Variants in PAK3 observed in about 807,000 individuals in gnomAD.
PAK3 encodes p21 (RAC1) activated kinase 3.
In PAK3, 4 loss-of-function variants were observed where a neutral mutation model predicts 41.0. The ratio of observed to expected loss-of-function variants is 0.10; its 90% CI spans 0.05 to 0.22. PAK3 has a LOEUF of 0.22. PAK3 is among the 10% of genes least tolerant of loss of function. The pLI is 1.00. For synonymous variants in PAK3, 146 were observed against 139.6 expected (o/e 1.05, Z -0.32); for missense variants, 205 against 409.9 (o/e 0.50, Z 4.32).
rs150089507 is a variant in PAK3, at chrX:111,136,397, G to C, written c.176-5699G>C. 9.8e-3 allele frequency among the ~76,000 whole-genome samples: 1,098 copies of C among 111,531 alleles called. 13 individuals carry two copies. Among genetic ancestry groups the C allele is most frequent in the African/African-American group, 0.034 (1,051 of 30,722 alleles). ...AGCTTTCATGGTTGGATTCTATTAG[G>C]GTAGGGTTTCATAGGACAATTATAA... On this transcript the variant is annotated intron_variant, in intron 5 of 17. Transcript: ENST00000372007.
In PAK3 at chrX:110,996,177, G is replaced by A. The variant is rs192765992; in HGVS notation, c.-28+51549G>A. On this transcript the variant is annotated intron_variant, in intron 1 of 14. Transcript: ENST00000425146. ...TAAATGCTCCTCAAGTGGTTTTAAT[G>A]TGTAGCCAAGGTGGACAGCCTTTGT... Among the ~76,000 whole-genome samples the A allele has an allele frequency of 5.8e-3, 654 of 112,383 alleles. 2 individuals are homozygous for A. Among genetic ancestry groups the A allele is most frequent in the Non-Finnish European group, 9.9e-3 (528 of 53,259 alleles).
At position 111,058,591 on chromosome X, in the gene PAK3, C is replaced by T. The variant is rs764801166; in HGVS notation, c.-27-64486C>T. Among the ~76,000 whole-genome samples, 6 of 111,353 alleles carry T rather than the reference C, an allele frequency of 5.4e-5. No homozygotes were observed. In the East Asian group the frequency reaches 8.4e-4, roughly 16 times the overall value. On this transcript the variant is annotated intron_variant, in intron 1 of 14. Transcript: ENST00000425146. ...AGATAAAAGTGCTTCAGGAGATTTA[C>T]GATTTACAAATATTTTCTTCCATTC...
chrX:111,014,505 G>C (rs1331556342), intron 1 of PAK3, among the ~76,000 whole-genome samples: 1 of 111,777 alleles, frequency 8.9e-6, no homozygotes, highest in East Asian at 2.8e-4. Context: ...AGGGAACACA[G>C]TGTGAAGACC....
intron 1 of PAK3, among the ~76,000 whole-genome samples, chrX:111,025,818 C>T (rs1266484505): frequency 9.6e-6 from 1 of 104,219 alleles, no homozygotes; most frequent in Non-Finnish European, 2.0e-5. Context: ...ACCTTAATAC[C>T]AAAACCAGGA....
intron 16 of PAK3, among the ~76,000 whole-genome samples, chrX:111,214,016 G>T (rs1055730627): frequency 2.7e-5 from 3 of 111,496 alleles, no homozygotes; most frequent in Non-Finnish European, 5.6e-5. Context: ...ATCAATGAAG[G>T]TATTGAAAAT....
intron 1 of PAK3, among the ~76,000 whole-genome samples, chrX:110,983,520 G>T (rs1253354197): frequency 8.0e-5 from 5 of 62,840 alleles, no homozygotes; most frequent in African/African-American, 2.7e-4. Flanking sequence ...GCATGTGTGT[G>T]TATGTCTGCG....
At chrX:111,170,706 A>T (rs1411533000) in intron 10 of PAK3, among the ~76,000 whole-genome samples, 1 of 111,615 alleles carries the variant, frequency 9.0e-6, no homozygotes, top group Non-Finnish European at 1.9e-5. Context: ...ATAAAGGTGG[A>T]TAATTTGAGA....
In PAK3 at chrX:111,221,416, A is replaced by G. The variant is rs2094927528; in HGVS notation, c.*969A>G. Reference sequence around the variant, plus strand: ...AAACAAAGATGGGACTTTCTCTGAGAGCCAAAACCAGATAAATGTAGAATA... The same window carrying G: ...AAACAAAGATGGGACTTTCTCTGAGGGCCAAAACCAGATAAATGTAGAATA... On this transcript the variant is annotated 3_prime_UTR_variant, in exon 18 of 18. Coordinates refer to ENST00000372007, the MANE Select transcript of PAK3 (RefSeq NM_002578.5). 8.9e-6 allele frequency: 1 copy of G among 112,011 alleles called. No homozygotes were observed. Among genetic ancestry groups the G allele is most frequent in the African/African-American group, 3.2e-5 (1 of 30,871 alleles). 9.2% of individuals were successfully genotyped at this position (112,011 alleles called of 1,213,427 possible).
chrX:111,172,534 G>A (rs2094356035), intron 10 of PAK3, among the ~76,000 whole-genome samples: 1 of 110,780 alleles, frequency 9.0e-6, no homozygotes, highest in Non-Finnish European at 1.9e-5. Flanking sequence ...AGTGTTTATT[G>A]TTCCTATCTT....
Position 111,220,686 on chromosome X carries a change from A to ATTGCTGC in PAK3, c.*239_*240insTTGCTGC. ...AAGTGACCATAAAGTGGTCACTTCCACCGTGAAGCGAAAGAGCCAGTAGTG... is the reference window on the plus strand; with the variant it reads ...AAGTGACCATAAAGTGGTCACTTCCATTGCTGCCCGTGAAGCGAAAGAGCCAGTAGTG... On this transcript the variant is annotated 3_prime_UTR_variant, in exon 18 of 18. Coordinates refer to ENST00000372007, the MANE Select transcript of PAK3 (RefSeq NM_002578.5). 3 of 399,254 alleles carry ATTGCTGC rather than the reference A, an allele frequency of 7.5e-6. No individual in the cohort carries two copies. Among genetic ancestry groups the ATTGCTGC allele is most frequent in the South Asian group, 4.1e-5 (1 of 24,228 alleles). The allele number at this position is 399,254 out of a possible 1,213,427, so 32.9% of individuals were successfully genotyped here.
intron 1 of PAK3, among the ~76,000 whole-genome samples, chrX:110,980,842 G>A (rs1277371018): frequency 1.8e-5 from 2 of 112,375 alleles, no homozygotes; most frequent in Admixed American, 1.9e-4. Flanking sequence ...TCTTCTGGGT[G>A]TGGGGCATGA....
intron 1 of PAK3, among the ~76,000 whole-genome samples, chrX:111,027,991 A>G: frequency 9.3e-6 from 1 of 107,165 alleles, no homozygotes; most frequent in Non-Finnish European, 1.9e-5. Context: ...TATATAATAT[A>G]TATGTGTGTG....
intron 1 of PAK3, among the ~76,000 whole-genome samples, chrX:111,084,066 T>C (rs1436120844): frequency 8.8e-6 from 1 of 113,103 alleles, no homozygotes; most frequent in Non-Finnish European, 1.9e-5. Flanking sequence ...GTACTCATCC[T>C]GATTAATCAT....
intron 16 of PAK3, among the ~76,000 whole-genome samples, chrX:111,201,921 T>G (rs1370406962): frequency 9.1e-6 from 1 of 110,471 alleles, no homozygotes; most frequent in East Asian, 2.8e-4. Context: ...AGAGGGTTTT[T>G]TTTACCCACT....
chrX:111,157,117 T>A (rs139483511), intron 8 of PAK3, among the ~76,000 whole-genome samples: 1,781 of 111,521 alleles, frequency 0.016, 37 homozygotes, highest in African/African-American at 0.055. Flanking sequence ...TCAGTGTGCA[T>A]CAGAATTTCA....
At chrX:110,959,939 C>T (rs1226062621) in intron 1 of PAK3, among the ~76,000 whole-genome samples, 1 of 112,039 alleles carries the variant, frequency 8.9e-6, no homozygotes, top group African/African-American at 3.2e-5. Flanking sequence ...GACATCAATG[C>T]TCCCTGTAAG....
chrX:111,039,994 C>CAAAAAAAAAAAAAAAA, intron 1 of PAK3, among the ~76,000 whole-genome samples: 1 of 49,277 alleles, frequency 2.0e-5, no homozygotes, highest in Non-Finnish European at 3.9e-5. Context: ...GTAGATGGAG[C>CAAAAAAAAAAAAAAAA]AAAAAAAAAA....
chrX:111,109,107 A>C (rs1224157838), intron 4 of PAK3, among the ~76,000 whole-genome samples: 1 of 111,826 alleles, frequency 8.9e-6, no homozygotes, highest in Non-Finnish European at 1.9e-5. Context: ...GATCAAGTGA[A>C]GAGAAATTAC....
intron 3 of PAK3, among the ~76,000 whole-genome samples, chrX:111,100,246 C>T (rs1047696995): frequency 6.3e-5 from 7 of 111,134 alleles, no homozygotes. Context: ...AAGGGCCTGG[C>T]TTAGGGCGTA....
Sources: allele counts gnomAD v4.1 joint callset (sites outside exome capture counted in the v4.1 genomes callset), GRCh38; gene constraint gnomAD v4.1.1; transcripts MANE v1.5; gene names NCBI Gene and HGNC (gene_info 2026-07-23, HGNC 2026-07-21).